The following PDK1 variants were observed in gnomAD, a reference collection of about 807,000 sequenced individuals.
The protein encoded by PDK1 is [Pyruvate dehydrogenase (acetyl-transferring)] kinase isozyme 1, mitochondrial.
PDK1 carries 39 observed loss-of-function variants against 54.2 expected under a neutral mutation model. The ratio of observed to expected loss-of-function variants is 0.72; its 90% confidence interval spans 0.56 to 0.94. The LOEUF is 0.94. Ranked by LOEUF, PDK1 falls within the 40% of genes least tolerant of loss-of-function variation. The pLI is 0.00. For missense variants in PDK1, 552 were observed against 566.0 expected, an observed-to-expected ratio of 0.98 and a Z score of 0.25; for synonymous variants, 221 against 207.1, an observed-to-expected ratio of 1.07 and a Z score of -0.58.
the PDK1 span, among the ~76,000 whole-genome samples, chr2:172,638,976 G>A: frequency 6.6e-6 from 1 of 152,146 alleles, no homozygotes; most frequent in Non-Finnish European, 1.5e-5. Context: ...GTCACGACAA[G>A]GTGAGAGAGA....
Position 172,600,834 on chromosome 2 carries a change from T to G in PDK1, c.*4865T>G, listed in dbSNP as rs557176411. 1 of 152,208 alleles carries G rather than the reference T, an allele frequency of 6.6e-6. No homozygotes were observed. Among genetic ancestry groups the G allele is most frequent in the African/African-American group, 2.4e-5 (1 of 41,438 alleles). The allele number at this position is 152,208 out of a possible 1,614,324, so 9.4% of individuals were successfully genotyped here. A position where few individuals can be genotyped will look rare whatever the true frequency, so the allele number is the denominator to read the frequency against. ...GACCACATAGGCTCTTAGACTCTTA[T>G]TCTATGTTGTCTTCGTCCAGCTTAT... On this transcript the variant is annotated 3_prime_UTR_variant, in exon 11 of 11. Transcript: ENST00000282077.
rs1018906322 is a variant in PDK1 at position 172,575,833 on chromosome 2, T to C, written c.945+5009T>C. Among the ~76,000 whole-genome samples, 5 of 152,110 alleles carry C rather than the reference T, an allele frequency of 3.3e-5. No homozygotes were observed. In the East Asian group the frequency reaches 9.6e-4, roughly 29 times the overall value. ...CAAGACTCTTTGTCTCAAATAATAA[T>C]AATTAAATAAATAAATATAAACAAT... On this transcript the variant is annotated intron_variant, in intron 8 of 10. Transcript: ENST00000282077.
chr2:172,570,078 A>T (rs948015803), intron 7 of PDK1, among the ~76,000 whole-genome samples: 1 of 152,168 alleles, frequency 6.6e-6, no homozygotes, highest in Non-Finnish European at 1.5e-5. Context: ...TTGCTGTGCC[A>T]GGGCCACACA....
rs1247506478 is a variant in PDK1, at chr2:172,601,672, G to T, written c.*5703G>T. On this transcript the variant is annotated 3_prime_UTR_variant, in exon 11 of 11. Coordinates refer to ENST00000282077, the MANE Select transcript of PDK1 (RefSeq NM_002610.5). ...GTCTCAGGCAGTTCTTTATAGCAGT[G>T]TGGGGATGGACTAATACTCGCTGGG... The T allele has an allele frequency of 6.6e-6, 1 of 152,144 alleles. No homozygotes were observed. The highest frequency in any genetic ancestry group is 2.4e-5 in the African/African-American group (1 of 41,422). 9.4% of individuals were successfully genotyped at this position (152,144 alleles called of 1,614,324 possible). A position where few individuals can be genotyped will look rare whatever the true frequency, so the allele number is the denominator to read the frequency against.
At chr2:172,633,683 CTCT>C in the PDK1 span, among the ~76,000 whole-genome samples, 10 of 150,490 alleles carry the variant, frequency 6.6e-5, no homozygotes, top group Non-Finnish European at 1.3e-4. Context: ...CAATTCAATT[CTCT>C]TCTTTTTAAT....
At chr2:172,681,082 C>G in the PDK1 span, among the ~76,000 whole-genome samples, 242 of 152,340 alleles carry the variant, frequency 1.6e-3, 1 homozygote, top group African/African-American at 5.5e-3. Flanking sequence ...ATTGTGATCT[C>G]TCTTGTTTTG....
intron 8 of PDK1, among the ~76,000 whole-genome samples, chr2:172,579,064 T>TC (rs1689735196): frequency 6.6e-6 from 1 of 152,228 alleles, no homozygotes; most frequent in Non-Finnish European, 1.5e-5. Context: ...AGTATGGCCT[T>TC]CCAGATTCCC....
chr2:172,679,871 T>G, the PDK1 span, among the ~76,000 whole-genome samples: 142,651 of 151,378 alleles, frequency 0.94, 67,002 homozygotes, highest in Middle Eastern at 0.99. Flanking sequence ...GGGTTTTGGG[T>G]TTTTTTTAGC....
chr2:172,589,369 C>T lies in PDK1; in HGVS notation c.1056+2981C>T, dbSNP rs146658551. Among the ~76,000 whole-genome samples, 980 of 152,300 alleles carry T rather than the reference C, an allele frequency of 6.4e-3. 4 individuals are homozygous for T. The highest frequency in any genetic ancestry group is 0.027 in the Middle Eastern group (8 of 294). On this transcript the variant is annotated intron_variant, in intron 9 of 10. Coordinates refer to ENST00000282077, the MANE Select transcript of PDK1 (RefSeq NM_002610.5). ...CTAGCAGCAGCAAAGCTATCACCAC[C>T]TTGGATCATGAGGGATGAGGAGAAG...
the PDK1 span, among the ~76,000 whole-genome samples, chr2:172,628,581 AAT>A: frequency 6.6e-6 from 1 of 152,140 alleles, no homozygotes; most frequent in Admixed American, 6.5e-5. Context: ...ATCTTTGAAT[AAT>A]ATATAACTAT....
intron 8 of PDK1, among the ~76,000 whole-genome samples, chr2:172,576,164 G>GA (rs1689572754): frequency 6.6e-6 from 1 of 152,096 alleles, no homozygotes; most frequent in Admixed American, 6.5e-5. Context: ...CTGACCTCGT[G>GA]ATCCACCTGC....
the PDK1 span, among the ~76,000 whole-genome samples, chr2:172,680,884 G>C: frequency 5.3e-5 from 8 of 152,192 alleles, no homozygotes; most frequent in African/African-American, 1.9e-4. Flanking sequence ...ATTAGACAAA[G>C]GAAAAACCTG....
intron 10 of PDK1, 43 bp downstream of exon 10, chr2:172,593,091 T>G (rs1418878683): frequency 1.0e-6 from 1 of 990,496 alleles, no homozygotes; most frequent in Non-Finnish European, 1.6e-6. Flanking sequence ...CTTTTGATGA[T>G]AAGAACAGAT....
chr2:172,564,136 T>A, intron 3 of PDK1: 1 of 473,844 alleles, frequency 2.1e-6, no homozygotes, highest in Non-Finnish European at 4.3e-6. Flanking sequence ...TAGAGGCAAG[T>A]GCTTTGTCTC....
the PDK1 span, among the ~76,000 whole-genome samples, chr2:172,660,243 C>CTT: frequency 5.8e-5 from 2 of 34,190 alleles, no homozygotes; most frequent in Non-Finnish European, 7.0e-5. Flanking sequence ...CTCTCTCTCT[C>CTT]TCTCTTTTTT....
At chr2:172,693,871 A>G in the PDK1 span, among the ~76,000 whole-genome samples, 2 of 152,216 alleles carry the variant, frequency 1.3e-5, no homozygotes, top group South Asian at 2.1e-4. Flanking sequence ...CCTAACTACA[A>G]TAAAGGCCAA....
chr2:172,575,556 T>C (rs1689532837), intron 8 of PDK1, among the ~76,000 whole-genome samples: 1 of 151,860 alleles, frequency 6.6e-6, no homozygotes, highest in Admixed American at 6.6e-5. Flanking sequence ...CACGGTGGCT[T>C]AACGCTTGTA....
In PDK1 at chr2:172,600,895, T is replaced by A. The variant is rs1484297107; in HGVS notation, c.*4926T>A. ...GAGTTTCTCTGTCTGTTCCCATACATCTTGCAGCTGCAGGCATCCCCCCGG... is the reference window on the plus strand; with the variant it reads ...GAGTTTCTCTGTCTGTTCCCATACAACTTGCAGCTGCAGGCATCCCCCCGG... On this transcript the variant is annotated 3_prime_UTR_variant, in exon 11 of 11. Coordinates refer to ENST00000282077, the MANE Select transcript of PDK1 (RefSeq NM_002610.5). The A allele has an allele frequency of 6.6e-6, 1 of 152,166 alleles. No homozygotes were observed. The highest frequency in any genetic ancestry group is 1.5e-5 in the Non-Finnish European group (1 of 68,036). The allele number at this position is 152,166 out of a possible 1,614,324, so 9.4% of individuals were successfully genotyped here.
chr2:172,643,378 G>C, the PDK1 span, among the ~76,000 whole-genome samples: 1 of 152,196 alleles, frequency 6.6e-6, no homozygotes, highest in Non-Finnish European at 1.5e-5. Flanking sequence ...TCCAGGAAGA[G>C]CATACTCACC....
Sources: gnomAD v4.1 joint callset for allele counts (sites outside exome capture counted in the v4.1 genomes callset) on GRCh38, gnomAD v4.1.1 for gene constraint, MANE v1.5 for transcripts, NCBI Gene and HGNC (gene_info 2026-07-23, HGNC 2026-07-21) for gene names.